RNGTT: variants seen among roughly 807,000 people sequenced by gnomAD.
RNGTT encodes mRNA-capping enzyme.
A neutral mutation model predicts 79.3 loss-of-function variants in RNGTT; 33 were observed. The observed-to-expected ratio is 0.42, with a 90% confidence interval of 0.32 to 0.56. RNGTT has a LOEUF of 0.56. RNGTT is among the 20% of genes least tolerant of loss of function. The pLI is 0.17. For missense variants in RNGTT, 497 were observed against 739.1 expected (o/e 0.67, Z 3.80); for synonymous variants, 222 against 235.9 (o/e 0.94, Z 0.54).
intron 13 of RNGTT, among the ~76,000 whole-genome samples, chr6:88,707,795 G>A (rs1296493800): frequency 6.7e-6 from 1 of 149,034 alleles, no homozygotes; most frequent in Admixed American, 6.7e-5. Flanking sequence ...AATCTAGAGA[G>A]ACTGATGGCA....
intron 1 of RNGTT, among the ~76,000 whole-genome samples, chr6:88,944,090 C>T (rs1446622875): frequency 1.3e-5 from 2 of 152,118 alleles, no homozygotes; most frequent in African/African-American, 4.8e-5. Context: ...CCCTTTTCAA[C>T]TGACAACTTT....
chr6:88,771,284 C>T (rs1778650523), intron 12 of RNGTT, among the ~76,000 whole-genome samples: 5 of 131,974 alleles, frequency 3.8e-5, no homozygotes. Flanking sequence ...TGGTATGAAG[C>T]ACAGGACTGT....
At chr6:88,773,250 C>T (rs1284032960) in intron 12 of RNGTT, among the ~76,000 whole-genome samples, 1 of 147,202 alleles carries the variant, frequency 6.8e-6, no homozygotes, top group African/African-American at 2.5e-5. Flanking sequence ...TATTCTCACT[C>T]ATAGGTGGGA....
At chr6:88,960,477 T>C (rs1378590161) in intron 1 of RNGTT, among the ~76,000 whole-genome samples, 3 of 152,186 alleles carry the variant, frequency 2.0e-5, no homozygotes, top group African/African-American at 7.2e-5. Context: ...CTCACACCTG[T>C]AATGCCAACA....
chr6:88,860,202 A>C (rs1280118162), intron 8 of RNGTT, among the ~76,000 whole-genome samples: 1 of 152,238 alleles, frequency 6.6e-6, no homozygotes, highest in African/African-American at 2.4e-5. Flanking sequence ...CAGTAATTCA[A>C]TATGCTATTT....
chr6:88,962,889 A>T (rs1199569266), intron 1 of RNGTT, among the ~76,000 whole-genome samples: 1 of 152,086 alleles, frequency 6.6e-6, no homozygotes, highest in Non-Finnish European at 1.5e-5. Flanking sequence ...AAATAAAAAT[A>T]AAAAACTAAC....
chr6:88,671,207 A>G lies in RNGTT; in HGVS notation c.1506+7146T>C, dbSNP rs182455903. Among the ~76,000 whole-genome samples, 5 of 152,292 alleles carry G rather than the reference A, an allele frequency of 3.3e-5. No homozygotes were observed. In the East Asian group the frequency reaches 9.6e-4, roughly 29 times the overall value. On this transcript the variant is annotated intron_variant, in intron 14 of 15. Coordinates refer to ENST00000369485, the MANE Select transcript of RNGTT (RefSeq NM_003800.5). Reference sequence around the variant, plus strand: ...TATGATTGTATACCTAGAAAACCCTAAAGACTTATCCAAAAAGCTCCTAGA... The same window carrying G: ...TATGATTGTATACCTAGAAAACCCTGAAGACTTATCCAAAAAGCTCCTAGA...
At chr6:88,791,382 G>A (rs113458940) in intron 12 of RNGTT, among the ~76,000 whole-genome samples, 2,132 of 151,864 alleles carry the variant, frequency 0.014, 47 homozygotes, top group African/African-American at 0.049. Context: ...CAAGTGATCC[G>A]CCCACCTCGG....
intron 13 of RNGTT, among the ~76,000 whole-genome samples, chr6:88,749,642 T>C (rs536433197): frequency 1.3e-5 from 2 of 151,996 alleles, no homozygotes; most frequent in South Asian, 4.1e-4. Flanking sequence ...GTAACAACAA[T>C]AAAAAATAAA....
intron 13 of RNGTT, among the ~76,000 whole-genome samples, chr6:88,767,630 A>G (rs1350068214): frequency 2.8e-5 from 4 of 143,994 alleles, no homozygotes; most frequent in Non-Finnish European, 4.5e-5. Flanking sequence ...ACAAAATTTT[A>G]CTTCATCTTT....
chr6:88,825,576 G>A (rs565234867), intron 11 of RNGTT, among the ~76,000 whole-genome samples: 2 of 152,260 alleles, frequency 1.3e-5, no homozygotes, highest in East Asian at 3.9e-4. Context: ...GTGTGTATAT[G>A]TTTGACATAC....
At chr6:88,961,440 C>CTTT (rs1269934487) in intron 1 of RNGTT, among the ~76,000 whole-genome samples, 1 of 144,706 alleles carries the variant, frequency 6.9e-6, no homozygotes, top group African/African-American at 2.5e-5. Flanking sequence ...GTACAAATTA[C>CTTT]TTTTTTTTTT....
chr6:88,901,110 C>T (rs1783440017), intron 6 of RNGTT, among the ~76,000 whole-genome samples: 1 of 151,392 alleles, frequency 6.6e-6, no homozygotes, highest in Non-Finnish European at 1.5e-5. Context: ...ACACTGCACT[C>T]CAGCCTTGGT....
intron 13 of RNGTT, among the ~76,000 whole-genome samples, chr6:88,751,227 TA>T (rs1490500349): frequency 6.6e-6 from 1 of 152,158 alleles, no homozygotes; most frequent in Non-Finnish European, 1.5e-5. Context: ...TCACGTAATT[TA>T]CAGTTAATTT....
chr6:88,838,447 C>A (rs1038311344), intron 11 of RNGTT, among the ~76,000 whole-genome samples: 1 of 151,992 alleles, frequency 6.6e-6, no homozygotes, highest in African/African-American at 2.4e-5. Flanking sequence ...AATCAACGTA[C>A]TCCTTTGGGG....
At chr6:88,811,725 C>A (rs901299157) in intron 11 of RNGTT, among the ~76,000 whole-genome samples, 4 of 152,174 alleles carry the variant, frequency 2.6e-5, no homozygotes, top group African/African-American at 9.6e-5. Flanking sequence ...GGAAAATATA[C>A]CAATGGAATA....
rs1216021918 is a variant in RNGTT at position 88,956,860 on chromosome 6, G to A, written c.64+6486C>T. 3.3e-5 allele frequency among the ~76,000 whole-genome samples: 5 copies of A among 152,038 alleles called. No individual in the cohort carries two copies. In the South Asian group the frequency reaches 8.3e-4, roughly 25 times the overall value. ...TCAAGACCAGCCTGGCCAACGTGGT[G>A]AAACCCCGCTTCTATTAAAAATACA... On this transcript the variant is annotated intron_variant, in intron 1 of 15. Transcript: ENST00000369485.
At chr6:88,625,605 G>A (rs1020321404) in intron 14 of RNGTT, among the ~76,000 whole-genome samples, 4 of 151,744 alleles carry the variant, frequency 2.6e-5, no homozygotes, top group Non-Finnish European at 4.4e-5. Context: ...TGTCATGTGG[G>A]GCTCTTTTTT....
At chr6:88,622,480 A>G (rs1772473067) in intron 14 of RNGTT, among the ~76,000 whole-genome samples, 2 of 152,110 alleles carry the variant, frequency 1.3e-5, no homozygotes, top group South Asian at 4.1e-4. Context: ...TGCTAAATCA[A>G]ATGGACTCAT....
Sources: allele counts gnomAD v4.1 joint callset (sites outside exome capture counted in the v4.1 genomes callset), GRCh38; gene constraint gnomAD v4.1.1; transcripts MANE v1.5; gene names NCBI Gene and HGNC (gene_info 2026-07-23, HGNC 2026-07-21).